FSTL5: variants seen among roughly 807,000 people sequenced by gnomAD.
FSTL5 encodes the protein follistatin-related protein 5.
In FSTL5, 62 loss-of-function variants were observed where a neutral mutation model predicts 89.1. The observed-to-expected ratio is 0.70, with a 90% CI of 0.57 to 0.86. The LOEUF (loss-of-function observed/expected upper bound fraction) is 0.86. Ranked by LOEUF, FSTL5 falls within the 40% of genes least tolerant of loss-of-function variation. The pLI is 0.00. For missense variants in FSTL5, 1,057 were observed against 1,001.6 expected, an observed-to-expected ratio of 1.06 and a Z score of -0.75; for synonymous variants, 383 against 346.2, an observed-to-expected ratio of 1.11 and a Z score of -1.18.
chr4:161,517,391 A>C (rs1453642339), intron 10 of FSTL5, among the ~76,000 whole-genome samples: 1 of 152,220 alleles, frequency 6.6e-6, no homozygotes, highest in Non-Finnish European at 1.5e-5. Context: ...ATATGTATTC[A>C]CTACATAACT....
chr4:161,910,922 T>C (rs1334321055), intron 4 of FSTL5, among the ~76,000 whole-genome samples: 2 of 152,180 alleles, frequency 1.3e-5, no homozygotes, highest in Non-Finnish European at 2.9e-5. Context: ...ATGAATTGAC[T>C]GCTACATTTT....
chr4:161,444,936 T>C (rs1732895285), intron 15 of FSTL5, among the ~76,000 whole-genome samples: 1 of 151,954 alleles, frequency 6.6e-6, no homozygotes, highest in African/African-American at 2.4e-5. Context: ...TGCTGCTAGT[T>C]TTAAATGAGA....
At chr4:161,487,727 C>T (rs906284261) in intron 12 of FSTL5, among the ~76,000 whole-genome samples, 6 of 151,788 alleles carry the variant, frequency 4.0e-5, no homozygotes, top group East Asian at 3.9e-4. Context: ...TATTTTTAAC[C>T]GAACCTGTCA....
At chr4:161,592,432 C>G (rs201390904) in intron 7 of FSTL5, among the ~76,000 whole-genome samples, 3 of 151,940 alleles carry the variant, frequency 2.0e-5, no homozygotes, top group Non-Finnish European at 4.4e-5. Flanking sequence ...CCTAGCCCCC[C>G]ACCCCTGAGA....
chr4:161,874,654 G>A (rs1019479854), intron 4 of FSTL5, among the ~76,000 whole-genome samples: 1 of 148,818 alleles, frequency 6.7e-6, no homozygotes, highest in African/African-American at 2.5e-5. Context: ...TACATTCAGG[G>A]TAGTACCTTG....
chr4:161,635,039 G>GA (rs77282962), intron 7 of FSTL5, among the ~76,000 whole-genome samples: 4 of 151,630 alleles, frequency 2.6e-5, no homozygotes, highest in African/African-American at 4.8e-5. Flanking sequence ...CAATAAAGCT[G>GA]AAAAAAAATC....
intron 1 of FSTL5, among the ~76,000 whole-genome samples, chr4:162,160,603 T>C (rs937616835): frequency 6.6e-6 from 1 of 151,864 alleles, no homozygotes; most frequent in East Asian, 1.9e-4. Context: ...GAAGAACTAA[T>C]AGAAAGATGT....
At chr4:161,894,135 C>G (rs865931936) in intron 4 of FSTL5, among the ~76,000 whole-genome samples, 47 of 152,014 alleles carry the variant, frequency 3.1e-4, no homozygotes, top group South Asian at 1.4e-3. Context: ...AACATTATGT[C>G]CATAGATGAG....
intron 3 of FSTL5, among the ~76,000 whole-genome samples, chr4:161,921,547 T>C (rs574411282): frequency 6.6e-6 from 1 of 152,222 alleles, no homozygotes; most frequent in African/African-American, 2.4e-5. Context: ...ACACATACAT[T>C]TGTATATATA....
intron 6 of FSTL5, among the ~76,000 whole-genome samples, chr4:161,759,144 C>T (rs1346305281): frequency 6.6e-6 from 1 of 152,116 alleles, no homozygotes; most frequent in African/African-American, 2.4e-5. Flanking sequence ...ACCTTGAAAG[C>T]AGCATTGAGG....
intron 3 of FSTL5, among the ~76,000 whole-genome samples, chr4:161,968,977 A>ACC (rs1304643805): frequency 1.3e-5 from 2 of 151,086 alleles, no homozygotes; most frequent in African/African-American, 4.9e-5. Context: ...AAGCACACAC[A>ACC]CACACACACA....
At chr4:162,011,294 T>C (rs1736759572) in intron 3 of FSTL5, among the ~76,000 whole-genome samples, 1 of 152,114 alleles carries the variant, frequency 6.6e-6, no homozygotes, top group Admixed American at 6.6e-5. Context: ...TGCCAGAAGA[T>C]ATTACTTGAA....
At chr4:161,610,194 A>G (rs1734587613) in intron 7 of FSTL5, among the ~76,000 whole-genome samples, 1 of 152,154 alleles carries the variant, frequency 6.6e-6, no homozygotes. Context: ...GGTTTAAAAA[A>G]TTGAAGGTTG....
intron 15 of FSTL5, among the ~76,000 whole-genome samples, chr4:161,442,626 C>T (rs911906235): frequency 3.4e-4 from 51 of 151,970 alleles, no homozygotes; most frequent in African/African-American, 1.1e-3. Context: ...AGAAACTTTC[C>T]TAAGTGCATT....
At chr4:162,091,561 CAT>C (rs1227840245) in intron 2 of FSTL5, among the ~76,000 whole-genome samples, 2 of 152,112 alleles carry the variant, frequency 1.3e-5, no homozygotes, top group African/African-American at 4.8e-5. Context: ...GCTAATGAAA[CAT>C]ATGATCCAAA....
chr4:161,672,673 CAT>C (rs1402906368), intron 6 of FSTL5, among the ~76,000 whole-genome samples: 2 of 139,306 alleles, frequency 1.4e-5, no homozygotes, highest in Admixed American at 1.4e-4. Flanking sequence ...AAGCCATAAA[CAT>C]AAAATTTTCT....
chr4:162,102,098 T>C (rs1219712329), intron 2 of FSTL5, among the ~76,000 whole-genome samples: 1 of 152,136 alleles, frequency 6.6e-6, no homozygotes, highest in Non-Finnish European at 1.5e-5. Context: ...GTGTTGATTG[T>C]TATTCTTTAG....
At chr4:162,111,145 A>G in intron 2 of FSTL5, 126 bp downstream of exon 2, 1 of 758,262 alleles carries the variant, frequency 1.3e-6, no homozygotes, top group Non-Finnish European at 2.0e-6. Context: ...CATTTTAAAA[A>G]TAATATGGAA....
At chr4:161,583,451 T>G (rs1314762805) in intron 8 of FSTL5, among the ~76,000 whole-genome samples, 2 of 152,202 alleles carry the variant, frequency 1.3e-5, no homozygotes, top group Non-Finnish European at 2.9e-5. Context: ...GAATACACTG[T>G]ATCTCCTTTG....
Sources: gnomAD v4.1 joint callset for allele counts (sites outside exome capture counted in the v4.1 genomes callset) on GRCh38, gnomAD v4.1.1 for gene constraint, MANE v1.5 for transcripts, NCBI Gene and HGNC (gene_info 2026-07-23, HGNC 2026-07-21) for gene names.